Variants in GNAS-AS1 observed in about 807,000 individuals in gnomAD.
GNAS-AS1 encodes GNAS antisense RNA 1.
intron 2 of GNAS-AS1, among the ~76,000 whole-genome samples, chr20:58,846,845 G>A (rs1191635803): frequency 6.6e-6 from 1 of 152,186 alleles, no homozygotes; most frequent in Non-Finnish European, 1.5e-5. Flanking sequence ...AGGGTGGCTG[G>A]AATTCCCACT....
chr20:58,841,645 G>A lies in GNAS-AS1; in HGVS notation n.819+292C>T. On this transcript the variant is annotated intron_variant and non_coding_transcript_variant, in intron 4 of 4. Transcript: ENST00000424094. This position sits in a 1 kb window ranked among gnomAD's most constrained non-coding sequence, Gnocchi z 5.0. ...GCGCCGGAGCTGACCTCTCCCGGCG[G>A]CGGGCGGTTAGGGGAAAGTACCTGG... The A allele has an allele frequency of 2.7e-6, 3 of 1,107,986 alleles. No homozygotes were observed. Among genetic ancestry groups the A allele is most frequent in the Non-Finnish European group, 3.3e-6 (3 of 909,106 alleles). 68.6% of individuals were successfully genotyped at this position (1,107,986 alleles called of 1,614,324 possible).
intron 2 of GNAS-AS1, among the ~76,000 whole-genome samples, chr20:58,848,104 T>C (rs576232197): frequency 6.6e-6 from 1 of 152,370 alleles, no homozygotes; most frequent in South Asian, 2.1e-4. Flanking sequence ...CCTGGGCCAT[T>C]TGGCTTTCCT....
At chr20:58,839,653 G>A (rs2085649156) in intron 4 of GNAS-AS1, 1 of 425,928 alleles carries the variant, frequency 2.3e-6, no homozygotes, top group East Asian at 3.4e-5. Context: ...CACGCAGCTC[G>A]CGGGGAGGTG....
At position 58,841,584 on chromosome 20, in the gene GNAS-AS1, G is replaced by A. The variant is rs1265710070; in HGVS notation, n.819+353C>T. The A allele has an allele frequency of 2.0e-6, 2 of 1,013,084 alleles. No individual in the cohort carries two copies. The highest frequency in any genetic ancestry group is 2.4e-6 in the Non-Finnish European group (2 of 848,792). The allele number at this position is 1,013,084 out of a possible 1,614,324, so 62.8% of individuals were successfully genotyped here. On this transcript the variant is annotated intron_variant and non_coding_transcript_variant, in intron 4 of 4. Transcript: ENST00000424094. The surrounding 1 kb of genome is among the most constrained non-coding windows in gnomAD (Gnocchi z 5.0). ...CCCGCCTCCCGTCGCTCGCGGGACA[G>A]AGACCGCCTCAAAGAGCGTGCGCAC...
chr20:58,838,890 T>C (rs1049368255), intron 4 of GNAS-AS1: 15 of 381,730 alleles, frequency 3.9e-5, no homozygotes, highest in Non-Finnish European at 5.8e-5. Flanking sequence ...GCACTCCAGC[T>C]TGGGTGACAG....
chr20:58,837,397 C>T (rs1246745608), intron 4 of GNAS-AS1, among the ~76,000 whole-genome samples: 6 of 152,224 alleles, frequency 3.9e-5, no homozygotes, highest in African/African-American at 1.2e-4. Flanking sequence ...ACAGTGACTA[C>T]AGCCACGCAG....
chr20:58,841,330 T>C lies in GNAS-AS1; in HGVS notation n.819+607A>G. On this transcript the variant is annotated intron_variant and non_coding_transcript_variant, in intron 4 of 4. Transcript: ENST00000424094. The surrounding 1 kb of genome is among the most constrained non-coding windows in gnomAD (Gnocchi z 5.0). ...GGTTCGGAGGTGCGCGCGCCAACTT[T>C]CACGATGTGAGAGCAGCCGCGCTGT... is the stretch of plus-strand genomic sequence containing the variant. 12 of 1,057,594 alleles carry C rather than the reference T, an allele frequency of 1.1e-5. No homozygotes were observed. Among genetic ancestry groups the C allele is most frequent in the Non-Finnish European group, 1.4e-5 (12 of 874,580 alleles). The allele number at this position is 1,057,594 out of a possible 1,614,324, so 65.5% of individuals were successfully genotyped here.
chr20:58,823,949 A>G, intron 4 of GNAS-AS1: 1 of 398,666 alleles, frequency 2.5e-6, no homozygotes, highest in Non-Finnish European at 4.4e-6. Context: ...CACAATGCCC[A>G]GCACAAACAT....
At chr20:58,833,953 T>C (rs1207858244) in intron 4 of GNAS-AS1, 1 of 152,228 alleles carries the variant, frequency 6.6e-6, no homozygotes, top group Non-Finnish European at 1.5e-5. Flanking sequence ...TTTGCACATA[T>C]AGAAATAGTC....
Position 58,840,632 on chromosome 20 carries a change from A to T in GNAS-AS1, n.819+1305T>A. 6.2e-7 allele frequency: 1 copy of T among 1,606,498 alleles called. No individual in the cohort carries two copies. The highest frequency in any genetic ancestry group is 8.5e-7 in the Non-Finnish European group (1 of 1,178,002). Reference sequence around the variant, plus strand: ...GTTGCGAAGCCCCGACGCCTCCCCAAGTCGCGCGCCGCCCAGCACTCAGGA... The same window carrying T: ...GTTGCGAAGCCCCGACGCCTCCCCATGTCGCGCGCCGCCCAGCACTCAGGA... On this transcript the variant is annotated intron_variant and non_coding_transcript_variant, in intron 4 of 4. Coordinates refer to ENST00000424094, the Ensembl canonical transcript of GNAS-AS1. This position sits in a 1 kb window ranked among gnomAD's most constrained non-coding sequence, Gnocchi z 6.0.
chr20:58,841,504 CG>C lies in GNAS-AS1; in HGVS notation n.819+432del, dbSNP rs2085726896. Reference sequence around the variant, plus strand: ...GGTCCCAGAGCTGACAATTAAGCCGCGGGACCTCCGCGCCAGTGCCTCCAGC... The same window carrying C: ...GGTCCCAGAGCTGACAATTAAGCCGCGGACCTCCGCGCCAGTGCCTCCAGC... On this transcript the variant is annotated intron_variant and non_coding_transcript_variant, in intron 4 of 4. Coordinates refer to ENST00000424094, the Ensembl canonical transcript of GNAS-AS1. This position sits in a 1 kb window ranked among gnomAD's most constrained non-coding sequence, Gnocchi z 5.0. 1.0e-6 allele frequency: 1 copy of C among 991,394 alleles called. No individual in the cohort carries two copies. The highest frequency in any genetic ancestry group is 1.7e-5 in the African/African-American group (1 of 57,578). The allele number at this position is 991,394 out of a possible 1,614,324, so 61.4% of individuals were successfully genotyped here. A position where few individuals can be genotyped will look rare whatever the true frequency, so the allele number is the denominator to read the frequency against.
At chr20:58,836,039 T>C (rs1010787141) in intron 4 of GNAS-AS1, among the ~76,000 whole-genome samples, 1 of 152,146 alleles carries the variant, frequency 6.6e-6, no homozygotes, top group Admixed American at 6.5e-5. Flanking sequence ...ACTTGCACTT[T>C]CAATGCTTCC....
At chr20:58,842,081 C>T (rs1001880476) in exon 4 of GNAS-AS1, 29 of 412,042 alleles carry the variant, frequency 7.0e-5, no homozygotes, top group Admixed American at 2.2e-4. Context: ...GCGGCGTGCT[C>T]CGGCCATTTT....
intron 4 of GNAS-AS1, among the ~76,000 whole-genome samples, chr20:58,830,140 C>G (rs930700785): frequency 1.3e-5 from 2 of 151,912 alleles, no homozygotes; most frequent in Admixed American, 1.3e-4. Context: ...CCATTACCAC[C>G]ACCATACCAC....
chr20:58,823,945 G>A (rs1191674590), intron 4 of GNAS-AS1: 1 of 398,414 alleles, frequency 2.5e-6, no homozygotes, highest in Admixed American at 4.4e-5. Flanking sequence ...CCAGCACAAT[G>A]CCCAGCACAA....
intron 4 of GNAS-AS1, among the ~76,000 whole-genome samples, chr20:58,837,222 ATGCTGTCGATGGAGCTG>A (rs1301834875): frequency 6.6e-6 from 1 of 152,310 alleles, no homozygotes; most frequent in East Asian, 1.9e-4. Context: ...TCTGTTCCAT[ATGCTGTCGATGGAGCTG>A]TGCTAATTAG....
intron 4 of GNAS-AS1, chr20:58,836,672 A>G (rs942312768): frequency 3.9e-5 from 6 of 152,354 alleles, no homozygotes; most frequent in African/African-American, 1.4e-4. Flanking sequence ...TGCAGCGAGC[A>G]CTTTTTAAAG....
At chr20:58,822,939 T>C (rs6026546) in intron 4 of GNAS-AS1, among the ~76,000 whole-genome samples, 6,141 of 152,176 alleles carry the variant, frequency 0.04, 203 homozygotes, top group African/African-American at 0.083. Context: ...TCCTTGGTGC[T>C]TTCACACAGT....
chr20:58,821,257 T>C (rs1258173440), intron 4 of GNAS-AS1, among the ~76,000 whole-genome samples: 1 of 152,144 alleles, frequency 6.6e-6, no homozygotes, highest in Non-Finnish European at 1.5e-5. Context: ...CTCAGGGCCC[T>C]TCCACTGGCT....
Sources: allele counts gnomAD v4.1 joint callset (sites outside exome capture counted in the v4.1 genomes callset), GRCh38; gene constraint gnomAD v4.1.1; non-coding constraint Gnocchi (gnomAD v3.1); transcripts MANE v1.5; gene names NCBI Gene and HGNC (gene_info 2026-07-23, HGNC 2026-07-21).